SNRNP40: variants seen among roughly 807,000 people sequenced by gnomAD.
The protein encoded by SNRNP40 is U5 small nuclear ribonucleoprotein 40 kDa protein.
SNRNP40 carries 21 observed loss-of-function variants against 45.8 expected under a neutral mutation model. That is an observed-to-expected ratio of 0.46 (90% CI 0.32 to 0.66). The LOEUF (loss-of-function observed/expected upper bound fraction) is 0.66, where lower values mean the gene tolerates loss of function less well. Ranked by LOEUF, SNRNP40 falls within the 30% of genes least tolerant of loss-of-function variation. The pLI, the probability that SNRNP40 is intolerant of heterozygous loss-of-function variation, is 0.03. For missense variants in SNRNP40, 344 were observed against 439.1 expected, an observed-to-expected ratio of 0.78 and a Z score of 1.94; for synonymous variants, 142 against 163.8, an observed-to-expected ratio of 0.87 and a Z score of 1.01.
intron 4 of SNRNP40, 84 bp from the exon 5 acceptor site, chr1:31,281,580 C>A: frequency 1.6e-6 from 2 of 1,267,832 alleles, no homozygotes; most frequent in African/African-American, 2.9e-5. Context: ...AGTACGAGGA[C>A]TTTGTGGACA....
At chr1:31,271,610 A>C (rs1645938962) in intron 5 of SNRNP40, 111 bp from the exon 6 acceptor site, 4 of 1,027,542 alleles carry the variant, frequency 3.9e-6, no homozygotes, top group Non-Finnish European at 5.6e-6. Context: ...ACTCTACTAT[A>C]AAACACAGGA....
chr1:31,285,840 AGATTT>A (rs1309183314), intron 4 of SNRNP40, among the ~76,000 whole-genome samples: 3 of 152,176 alleles, frequency 2.0e-5, no homozygotes, highest in African/African-American at 7.2e-5. Context: ...CCTCTTGATT[AGATTT>A]AAGTTATACA....
At chr1:31,277,856 G>C (rs1645987261) in intron 5 of SNRNP40, among the ~76,000 whole-genome samples, 1 of 152,136 alleles carries the variant, frequency 6.6e-6, no homozygotes, top group East Asian at 1.9e-4. Context: ...CACCATGCCT[G>C]GTTAATTTTT....
At chr1:31,294,363 A>C (rs1441482329) in intron 1 of SNRNP40, among the ~76,000 whole-genome samples, 1 of 152,188 alleles carries the variant, frequency 6.6e-6, no homozygotes, top group South Asian at 2.1e-4. Flanking sequence ...ATTCATCTAA[A>C]CATGGGCTGA....
At chr1:31,295,321 C>A (rs564265349) in intron 1 of SNRNP40, among the ~76,000 whole-genome samples, 1 of 150,092 alleles carries the variant, frequency 6.7e-6, no homozygotes, top group East Asian at 1.9e-4. Context: ...CAGTGGTCAA[C>A]ACAGAGAGAT....
At chr1:31,277,909 G>C in intron 5 of SNRNP40, among the ~76,000 whole-genome samples, 1 of 152,190 alleles carries the variant, frequency 6.6e-6, no homozygotes, top group East Asian at 1.9e-4. Context: ...TGGCCAGGCT[G>C]GTCTAGAACT....
intron 5 of SNRNP40, among the ~76,000 whole-genome samples, chr1:31,274,970 TGAG>T (rs1410600287): frequency 2.0e-5 from 3 of 152,204 alleles, no homozygotes; most frequent in African/African-American, 7.2e-5. Context: ...CCAGGCTCTC[TGAG>T]GAGCATCTCC....
chr1:31,276,379 G>C (rs1314625076), intron 5 of SNRNP40, among the ~76,000 whole-genome samples: 1 of 151,360 alleles, frequency 6.6e-6, no homozygotes, highest in South Asian at 2.1e-4. Context: ...TCAAAATAAA[G>C]CAAAAAAATG....
chr1:31,269,846 G>A (rs1247095127), intron 6 of SNRNP40, among the ~76,000 whole-genome samples: 1 of 152,120 alleles, frequency 6.6e-6, no homozygotes, highest in African/African-American at 2.4e-5. Flanking sequence ...TTGTGTCTTG[G>A]TTTTTCTGTT....
intron 8 of SNRNP40, among the ~76,000 whole-genome samples, chr1:31,264,026 T>C (rs1645879114): frequency 6.6e-6 from 1 of 151,990 alleles, no homozygotes; most frequent in Non-Finnish European, 1.5e-5. Flanking sequence ...CATCTGTTGG[T>C]AAATATAAAG....
chr1:31,293,453 G>A, intron 1 of SNRNP40, 105 bp from the exon 2 acceptor site: 3 of 1,175,456 alleles, frequency 2.6e-6, no homozygotes, highest in South Asian at 3.3e-5. Context: ...CAATGATTAA[G>A]TGGGTTTCAT....
chr1:31,291,207 G>C lies in SNRNP40; in HGVS notation c.365+706C>G, dbSNP rs139140234. ...GGAGGCTGAGGCAAGAGAAACACGT[G>C]AACCTGGGAGGCGGAGGTTGCAGTG... is the stretch of plus-strand genomic sequence containing the variant. On this transcript the variant is annotated intron_variant, in intron 3 of 9. Coordinates refer to ENST00000263694, the MANE Select transcript of SNRNP40 (RefSeq NM_004814.3). Among the ~76,000 whole-genome samples, 1,436 of 151,302 alleles carry C rather than the reference G, an allele frequency of 9.5e-3. 14 individuals are homozygous for C. Among genetic ancestry groups the C allele is most frequent in the Non-Finnish European group, 0.015 (1,051 of 67,896 alleles).
At position 31,271,459 on chromosome 1, in the gene SNRNP40, C is replaced by T. The variant is rs756393717; in HGVS notation, c.695G>A (p.Arg232Lys). 2.2e-5 allele frequency: 35 copies of T among 1,613,862 alleles called. No homozygotes were observed. The highest frequency in any genetic ancestry group is 3.3e-5 in the South Asian group (3 of 91,078). Residue 232 changes from arginine (R) to lysine (K), a missense_variant, in exon 6 of 10, where the codon AGA (arginine) becomes AAA (lysine). This residue lies in a region of SNRNP40 where 254 missense variants were observed against 380.2 expected (regional missense o/e 0.67). Coordinates refer to ENST00000263694, the MANE Select transcript of SNRNP40 (RefSeq NM_004814.3). ...LRQNKLTYTM[R>K]GHADSVTGLS... ...GCCAGTCACTGAATCTGCATGGCCTCTCATGGTGTAGGTTAGCTTGTTCTG... is the reference window on the plus strand; with the variant it reads ...GCCAGTCACTGAATCTGCATGGCCTTTCATGGTGTAGGTTAGCTTGTTCTG...
At chr1:31,294,563 G>A (rs1010132831) in intron 1 of SNRNP40, among the ~76,000 whole-genome samples, 8 of 151,718 alleles carry the variant, frequency 5.3e-5, no homozygotes, top group South Asian at 2.1e-4. Flanking sequence ...GGGTTCAAGC[G>A]ATTCTCCTGC....
chr1:31,270,217 T>A (rs943213421), intron 6 of SNRNP40, among the ~76,000 whole-genome samples: 25 of 152,348 alleles, frequency 1.6e-4, no homozygotes, highest in African/African-American at 5.1e-4. Flanking sequence ...CTAAAATTTG[T>A]AGGCAACAAA....
rs11806298 is a variant in SNRNP40 at position 31,282,521 on chromosome 1, A to G, written c.532-1025T>C. ...TATCTATCTATCTATCTATCTATCTATCTAATCTGGGGACACACTCTCCCT... is the reference window on the plus strand; with the variant it reads ...TATCTATCTATCTATCTATCTATCTGTCTAATCTGGGGACACACTCTCCCT... On this transcript the variant is annotated intron_variant, in intron 4 of 9. Coordinates refer to ENST00000263694, the MANE Select transcript of SNRNP40 (RefSeq NM_004814.3). 1.7e-3 allele frequency: 250 copies of G among 148,292 alleles called. 1 individual carries two copies. Among genetic ancestry groups the G allele is most frequent in the African/African-American group, 5.0e-3 (201 of 40,032 alleles). The allele number at this position is 148,292 out of a possible 1,614,324, so 9.2% of individuals were successfully genotyped here. A position where few individuals can be genotyped will look rare whatever the true frequency, so the allele number is the denominator to read the frequency against.
Position 31,296,782 on chromosome 1 carries a change from T to G in SNRNP40, c.-31A>C. On this transcript the variant is annotated 5_prime_UTR_variant, in exon 1 of 10. Transcript: ENST00000263694. ...CAACCGGTCTCTTCAGCGCCGCCACTGACCGCGCTGCCGCTCTCAGGCGCC... is the reference window on the plus strand; with the variant it reads ...CAACCGGTCTCTTCAGCGCCGCCACGGACCGCGCTGCCGCTCTCAGGCGCC... 6.4e-7 allele frequency: 1 copy of G among 1,552,610 alleles called. No individual in the cohort carries two copies. The highest frequency in any genetic ancestry group is 1.2e-5 in the South Asian group (1 of 84,490).
intron 5 of SNRNP40, among the ~76,000 whole-genome samples, chr1:31,280,201 G>T (rs554596366): frequency 1.4e-5 from 2 of 144,196 alleles, no homozygotes; most frequent in African/African-American, 2.6e-5. Context: ...GTCTTGCTCC[G>T]TGGCCAGGCT....
chr1:31,261,864 T>A, intron 8 of SNRNP40: 4 of 362,900 alleles, frequency 1.1e-5, no homozygotes, highest in Non-Finnish European at 2.0e-5. Flanking sequence ...ATGACTGGCA[T>A]GTTTGAATAC....
Sources: gnomAD v4.1 joint callset for allele counts (sites outside exome capture counted in the v4.1 genomes callset) on GRCh38, gnomAD v4.1.1 for gene constraint, gnomAD v4.1.1 regional missense constraint, MANE v1.5 for transcripts, NCBI Gene and HGNC (gene_info 2026-07-23, HGNC 2026-07-21) for gene names.